ABCB1: variants seen among roughly 807,000 people sequenced by gnomAD.
ABCB1 encodes the protein ATP binding cassette subfamily B member 1, also known as ATP-dependent translocase ABCB1.
A neutral mutation model predicts 142.0 loss-of-function variants in ABCB1; 69 were observed. The observed-to-expected ratio is 0.49, with a 90% CI of 0.40 to 0.59. The LOEUF is 0.59. ABCB1 is among the 20% of genes least tolerant of loss of function. The pLI is 0.00. For synonymous variants in ABCB1, 532 were observed against 539.2 expected, an observed-to-expected ratio of 0.99 and a Z score of 0.18; for missense variants, 1,326 against 1,554.7, an observed-to-expected ratio of 0.85 and a Z score of 2.47.
At chr7:87,575,905 T>C (rs888628889) in intron 4 of ABCB1, among the ~76,000 whole-genome samples, 4 of 152,140 alleles carry the variant, frequency 2.6e-5, no homozygotes, top group Non-Finnish European at 5.9e-5. Flanking sequence ...TGAAAACCAC[T>C]AGCAGAGTGG....
At chr7:87,533,448 G>C (rs1816149676) in intron 20 of ABCB1, among the ~76,000 whole-genome samples, 1 of 152,110 alleles carries the variant, frequency 6.6e-6, no homozygotes, top group African/African-American at 2.4e-5. Flanking sequence ...AAATAAGATG[G>C]ATCAAAGATG....
chr7:87,549,824 G>A (rs1415760814), intron 13 of ABCB1, 27 bp downstream of exon 13: 3 of 1,613,086 alleles, frequency 1.9e-6, no homozygotes, highest in Non-Finnish European at 8.5e-7. Context: ...TGCACCTCTA[G>A]AAAGGCAAAG....
intron 7 of ABCB1, 136 bp downstream of exon 7, chr7:87,565,934 G>A (rs1251050778): frequency 1.0e-6 from 1 of 979,832 alleles, no homozygotes; most frequent in Non-Finnish European, 1.6e-6. Context: ...TGCTTATCCA[G>A]CTGATTTTGA....
intron 3 of ABCB1, among the ~76,000 whole-genome samples, chr7:87,591,783 C>CA: frequency 6.6e-6 from 1 of 151,898 alleles, no homozygotes; most frequent in African/African-American, 2.4e-5. Flanking sequence ...ACTCAAATGA[C>CA]AAAGGAGTTT....
intron 27 of ABCB1, among the ~76,000 whole-genome samples, 179 bp from the exon 28 acceptor site, chr7:87,504,628 A>G (rs549604793): frequency 2.6e-5 from 4 of 152,202 alleles, no homozygotes; most frequent in African/African-American, 9.6e-5. Context: ...ACACGGTGAA[A>G]CCCCATCTCT....
At chr7:87,574,026 C>T (rs1420036409) in intron 4 of ABCB1, among the ~76,000 whole-genome samples, 1 of 152,064 alleles carries the variant, frequency 6.6e-6, no homozygotes, top group Non-Finnish European at 1.5e-5. Flanking sequence ...TTTCCACATG[C>T]TGAGAAGAAA....
At chr7:87,658,547 C>A (rs538543760) in intron 1 of ABCB1, among the ~76,000 whole-genome samples, 1 of 152,144 alleles carries the variant, frequency 6.6e-6, no homozygotes, top group Non-Finnish European at 1.5e-5. Context: ...GAGCAAACCA[C>A]AAATAGGAAA....
At chr7:87,572,525 C>A (rs929589489) in intron 4 of ABCB1, among the ~76,000 whole-genome samples, 2 of 152,140 alleles carry the variant, frequency 1.3e-5, no homozygotes, top group African/African-American at 4.8e-5. Flanking sequence ...TGTGCTTCAC[C>A]TTTCAAAGTG....
chr7:87,550,724 C>CAAG lies in ABCB1; in HGVS notation c.1113_1113+1insCTT (p.Asn371_Lys372insLeu), dbSNP rs1817025027. ...TGGATAGATGGCCAACTCAGACTTACATTATCAATTATCTTGAAGATTTCA... is the reference window on the plus strand; with the variant it reads ...TGGATAGATGGCCAACTCAGACTTACAAGATTATCAATTATCTTGAAGATTTCA... On this transcript the variant is annotated inframe_insertion and splice_region_variant. Coordinates refer to ENST00000622132, the MANE Select transcript of ABCB1 (RefSeq NM_001348946.2). The CAAG allele has an allele frequency of 1.9e-6, 3 of 1,606,810 alleles. No individual in the cohort carries two copies. Among genetic ancestry groups the CAAG allele is most frequent in the Non-Finnish European group, 2.6e-6 (3 of 1,173,506 alleles).
intron 1 of ABCB1, among the ~76,000 whole-genome samples, chr7:87,614,286 A>G (rs1203972222): frequency 2.6e-5 from 4 of 152,174 alleles, no homozygotes; most frequent in Non-Finnish European, 5.9e-5. Context: ...ATTCTTAGCT[A>G]CTAGGGATGC....
intron 1 of ABCB1, among the ~76,000 whole-genome samples, chr7:87,645,775 A>G (rs1822943185): frequency 6.6e-6 from 1 of 152,206 alleles, no homozygotes. Context: ...TTACTCTGGC[A>G]TATACTCATG....
chr7:87,537,676 A>G (rs1363598373), intron 19 of ABCB1, among the ~76,000 whole-genome samples: 2 of 152,246 alleles, frequency 1.3e-5, no homozygotes, highest in African/African-American at 2.4e-5. Context: ...AAGCAGTTAG[A>G]TAAATGTAGC....
intron 1 of ABCB1, among the ~76,000 whole-genome samples, chr7:87,685,783 T>G (rs983764003): frequency 6.6e-6 from 1 of 152,168 alleles, no homozygotes; most frequent in African/African-American, 2.4e-5. Context: ...TTTTCAAAAC[T>G]CATAGCAACA....
intron 1 of ABCB1, among the ~76,000 whole-genome samples, chr7:87,696,227 T>C (rs1210802546): frequency 2.6e-5 from 4 of 152,206 alleles, no homozygotes; most frequent in Non-Finnish European, 5.9e-5. Context: ...TTCTTCAAGA[T>C]ATAGAGTAGT....
At chr7:87,679,389 G>T (rs545263154) in intron 1 of ABCB1, among the ~76,000 whole-genome samples, 1 of 149,290 alleles carries the variant, frequency 6.7e-6, no homozygotes, top group Admixed American at 6.7e-5. Flanking sequence ...CACCGTGCCC[G>T]GCCCCCAACT....
intron 20 of ABCB1, among the ~76,000 whole-genome samples, chr7:87,533,918 G>C (rs929080977): frequency 2.0e-5 from 3 of 152,124 alleles, no homozygotes; most frequent in African/African-American, 7.2e-5. Flanking sequence ...TTTTGCTTGA[G>C]TGGCTCATAT....
At chr7:87,565,506 T>C (rs1189641767) in intron 7 of ABCB1, 1 of 451,052 alleles carries the variant, frequency 2.2e-6, no homozygotes, top group Admixed American at 2.4e-5. Context: ...TTTATATGCA[T>C]CCTTAGGGAC....
intron 17 of ABCB1, among the ~76,000 whole-genome samples, chr7:87,543,719 C>G (rs1816645809): frequency 6.6e-6 from 1 of 152,192 alleles, no homozygotes; most frequent in South Asian, 2.1e-4. Context: ...TAGGCTTACT[C>G]ACATCCTGGA....
chr7:87,549,210 T>C, intron 14 of ABCB1, 138 bp downstream of exon 14: 1 of 943,874 alleles, frequency 1.1e-6, no homozygotes, highest in Non-Finnish European at 1.6e-6. Flanking sequence ...AGAGGCCCAA[T>C]GCTTTTATTT....
Sources: allele counts gnomAD v4.1 joint callset (sites outside exome capture counted in the v4.1 genomes callset), GRCh38; gene constraint gnomAD v4.1.1; transcripts MANE v1.5; gene names NCBI Gene and HGNC (gene_info 2026-07-23, HGNC 2026-07-21).